The following NNT variants were observed in gnomAD, a reference collection of about 807,000 sequenced individuals.
NNT encodes the protein nicotinamide nucleotide transhydrogenase, also known as NAD(P) transhydrogenase, mitochondrial.
A neutral mutation model predicts 104.8 loss-of-function variants in NNT; 50 were observed. The ratio of observed to expected loss-of-function variants is 0.48; its 90% CI spans 0.38 to 0.60. NNT has a LOEUF of 0.60. Among genes scored for constraint, NNT ranks in the 20% least tolerant of loss-of-function variants. The probability of loss-of-function intolerance (pLI) is 0.00; values close to 1 mark genes in which losing one functional copy is unlikely to be tolerated. For synonymous variants in NNT, 461 were observed against 490.4 expected (o/e 0.94, Z 0.79); for missense variants, 1,131 against 1,330.7 (o/e 0.85, Z 2.33).
intron 19 of NNT, among the ~76,000 whole-genome samples, chr5:43,681,491 C>T (rs548530920): frequency 1.3e-5 from 2 of 152,046 alleles, no homozygotes; most frequent in South Asian, 2.1e-4. Flanking sequence ...CTCTGCCTCC[C>T]GGGTTCAAAG....
intron 5 of NNT, among the ~76,000 whole-genome samples, chr5:43,622,416 T>G (rs1045023032): frequency 1.2e-4 from 18 of 152,206 alleles, no homozygotes; most frequent in Admixed American, 2.6e-4. Context: ...TACTATTTCT[T>G]TTTTTAAAAA....
chr5:43,654,561 T>G (rs774780946), intron 14 of NNT, among the ~76,000 whole-genome samples: 3 of 152,258 alleles, frequency 2.0e-5, no homozygotes, highest in Non-Finnish European at 4.4e-5. Context: ...TCAAACAATG[T>G]TCCTGTTGGA....
Position 43,659,267 on chromosome 5 carries a change from T to A in NNT, c.2551T>A (p.Phe851Ile). ...YSGWALCAEG[F>I]LLNNNLLTIV... ...AGGCTGGGCCCTGTGTGCAGAGGGC[T>A]TCCTGCTCAACAACAATCTGCTGAC... Residue 851 changes from phenylalanine (F) to isoleucine (I), a missense_variant, in exon 17 of 22, where the codon TTC becomes ATC. Physicochemically the swap from Phe to Ile is conservative, Grantham distance 21. Transcript: ENST00000344920. 1.9e-6 allele frequency: 3 copies of A among 1,614,020 alleles called. No homozygotes were observed. In the South Asian group the frequency reaches 3.3e-5, roughly 18 times the overall value.
intron 19 of NNT, among the ~76,000 whole-genome samples, chr5:43,699,155 T>C (rs1742718403): frequency 6.6e-6 from 1 of 152,044 alleles, no homozygotes; most frequent in African/African-American, 2.4e-5. Context: ...ATATCTGTGG[T>C]CAAAAGAAGT....
chr5:43,647,877 T>G (rs373477413), intron 10 of NNT: 1 of 454,616 alleles, frequency 2.2e-6, no homozygotes, highest in Non-Finnish European at 4.4e-6. Context: ...GCTCATTTAT[T>G]TTTTACAAGA....
chr5:43,647,231 T>C (rs777174978), intron 10 of NNT, among the ~76,000 whole-genome samples: 8 of 152,184 alleles, frequency 5.3e-5, no homozygotes, highest in Non-Finnish European at 1.2e-4. Context: ...ACACTGTGAG[T>C]AGATAAAGCA....
intron 17 of NNT, among the ~76,000 whole-genome samples, chr5:43,662,384 TA>T (rs1364889458): frequency 6.6e-6 from 1 of 152,208 alleles, no homozygotes; most frequent in Non-Finnish European, 1.5e-5. Context: ...CTTACTCTTT[TA>T]TTTTTTTGAT....
Position 43,704,377 on chromosome 5 carries a change from G to T in NNT, c.3234G>T (p.Ala1078=). 1 of 1,613,680 alleles carries T rather than the reference G, an allele frequency of 6.2e-7. No homozygotes were observed. The highest frequency in any genetic ancestry group is 8.5e-7 in the Non-Finnish European group (1 of 1,179,708). ...DAKKTCDALQ[A]KVRESYQK ...AGAAAACATGTGACGCGCTCCAGGC[G>T]AAAGTTAGAGAATCCTATCAGAAGT... The change falls in exon 22 of 22, where the codon GCG becomes GCT. Residue 1078 remains alanine, a synonymous_variant. Transcript: ENST00000344920.
At position 43,675,663 on chromosome 5, in the gene NNT, T is replaced by C; in HGVS notation, c.2787T>C (p.Ile929=). ...TTCGAGAAGCTAATAGCATTATTAT[T>C]ACACCAGGTAAAGAAAAAAAGCAAA... is the stretch of plus-strand genomic sequence containing the variant. ...DMIREANSII[I]TPGYGLCAAK... Residue 929 remains isoleucine (I), a synonymous_variant, in exon 18 of 22, where the codon ATT becomes ATC. Transcript: ENST00000344920. 6.3e-7 allele frequency: 1 copy of C among 1,594,812 alleles called. No individual in the cohort carries two copies. Among genetic ancestry groups the C allele is most frequent in the East Asian group, 2.3e-5 (1 of 43,930 alleles).
intron 19 of NNT, among the ~76,000 whole-genome samples, chr5:43,691,068 AGAGTGT>A (rs1170674143): frequency 2.2e-5 from 3 of 133,928 alleles, no homozygotes; most frequent in African/African-American, 8.7e-5. Flanking sequence ...TTTTTTTGAG[AGAGTGT>A]GTGTGTGTGT....
At chr5:43,686,261 A>G (rs1255548735) in intron 19 of NNT, among the ~76,000 whole-genome samples, 1 of 150,798 alleles carries the variant, frequency 6.6e-6, no homozygotes, top group Non-Finnish European at 1.5e-5. Flanking sequence ...TTGCTTCAAG[A>G]TATTGAAGAG....
chr5:43,690,805 G>T (rs912952417), intron 19 of NNT, among the ~76,000 whole-genome samples: 2 of 151,980 alleles, frequency 1.3e-5, no homozygotes, highest in African/African-American at 4.8e-5. Context: ...TTGAACTGGG[G>T]GTTATGCATG....
At chr5:43,612,880 T>A (rs768076133) in intron 2 of NNT, 28 bp from the exon 3 acceptor site, 1 of 1,424,598 alleles carries the variant, frequency 7.0e-7, no homozygotes, top group Non-Finnish European at 9.6e-7. Context: ...ACCAAATATA[T>A]ATTTTTTTTG....
Position 43,623,959 on chromosome 5 carries a change from A to G in NNT, c.688-73A>G, listed in dbSNP as rs1327567531. 1.0e-5 allele frequency: 14 copies of G among 1,404,614 alleles called. No homozygotes were observed. In the South Asian group the frequency reaches 1.2e-4, roughly 12 times the overall value. 87.0% of individuals were successfully genotyped at this position (1,404,614 alleles called of 1,614,324 possible). A position where few individuals can be genotyped will look rare whatever the true frequency, so the allele number is the denominator to read the frequency against. The stretch of plus-strand genomic sequence containing the variant: ...GATGCTAAACTTATACTAGGCACCA[A>G]TAATTGTTAGCTGATGATTTTTCAT... On this transcript the variant is annotated intron_variant, in intron 5 of 21. Transcript: ENST00000344920.
rs751814421 is a variant in NNT at position 43,609,183 on chromosome 5, A to G, written c.-13A>G. 1.3e-6 allele frequency: 2 copies of G among 1,598,470 alleles called. No homozygotes were observed. The highest frequency in any genetic ancestry group is 3.5e-5 in the Admixed American group (2 of 57,584). On this transcript the variant is annotated 5_prime_UTR_variant, in exon 2 of 22. Transcript: ENST00000344920. ...GAAACTGGGGAGTCAGAAAATTGGG[A>G]ACTCATATCAACATGGCAAACCTAT...
chr5:43,653,368 A>C, intron 14 of NNT, 155 bp downstream of exon 14: 2 of 668,706 alleles, frequency 3.0e-6, no homozygotes, highest in Non-Finnish European at 4.9e-6. Flanking sequence ...TGTAATTCTC[A>C]TTCAAATACA....
At position 43,644,667 on chromosome 5, in the gene NNT, C is replaced by T. The variant is rs146359901; in HGVS notation, c.1155C>T (p.Ser385=). 433 of 1,614,172 alleles carry T rather than the reference C, an allele frequency of 2.7e-4. 4 individuals carry two copies. The East Asian group carries it at 9.4e-3, about 35-fold the overall frequency. Residue 385 remains serine (S), a synonymous_variant, in exon 9 of 22, where the codon AGC becomes AGT. Transcript: ENST00000344920. ...CCAGCCGAATGGCCACTCAGGCCAG[C>T]ACCCTATATTCCAACAACATCACCA... ...DLPSRMATQA[S]TLYSNNITKL...
chr5:43,636,991 A>G (rs1750961282), intron 7 of NNT, among the ~76,000 whole-genome samples: 1 of 152,208 alleles, frequency 6.6e-6, no homozygotes, highest in Non-Finnish European at 1.5e-5. Flanking sequence ...ATTTAGAAAT[A>G]TCTCAAGGGG....
intron 5 of NNT, among the ~76,000 whole-genome samples, chr5:43,620,177 A>G (rs1313238764): frequency 6.6e-6 from 1 of 152,164 alleles, no homozygotes; most frequent in African/African-American, 2.4e-5. Flanking sequence ...CTGACTTTAA[A>G]TGTGATCATT....
Sources: gnomAD v4.1 joint callset for allele counts (sites outside exome capture counted in the v4.1 genomes callset) on GRCh38, gnomAD v4.1.1 for gene constraint, MANE v1.5 for transcripts, NCBI Gene and HGNC (gene_info 2026-07-23, HGNC 2026-07-21) for gene names.